USP13: variants seen among roughly 807,000 people sequenced by gnomAD.
The protein encoded by USP13 is ubiquitin specific peptidase 13.
A neutral mutation model predicts 107.8 loss-of-function variants in USP13; 68 were observed. That is an observed-to-expected ratio of 0.63 (90% CI 0.52 to 0.77). The LOEUF is 0.77. Among genes scored for constraint, USP13 ranks in the 30% least tolerant of loss-of-function variants. The pLI is 0.00. For missense variants in USP13, 945 were observed against 1,093.3 expected (o/e 0.86, Z 1.91); for synonymous variants, 377 against 389.5 (o/e 0.97, Z 0.38).
chr3:179,659,910 C>T (rs1163160926), intron 1 of USP13, among the ~76,000 whole-genome samples: 9 of 152,112 alleles, frequency 5.9e-5, no homozygotes, highest in Admixed American at 2.6e-4. Context: ...GGCTGGGTAG[C>T]GGGCGCCTGT....
intron 13 of USP13, among the ~76,000 whole-genome samples, chr3:179,750,328 A>G (rs368730598): frequency 0.13 from 14,571 of 109,644 alleles, 987 homozygotes; most frequent in Non-Finnish European, 0.18. Flanking sequence ...ATATGTGTGT[A>G]TATATATATA....
intron 19 of USP13, among the ~76,000 whole-genome samples, chr3:179,767,428 GT>G (rs1431728738): frequency 6.2e-4 from 89 of 143,726 alleles, no homozygotes; most frequent in South Asian, 1.3e-3. Context: ...GTTTTTTTTG[GT>G]TTTTTTTTTT....
intron 8 of USP13, among the ~76,000 whole-genome samples, chr3:179,725,050 C>A (rs1713461756): frequency 6.6e-6 from 1 of 152,012 alleles, no homozygotes; most frequent in Non-Finnish European, 1.5e-5. Flanking sequence ...CAAAACCCCA[C>A]TCTACTAAAA....
rs1715982961 is a variant in USP13, at chr3:179,788,893, GA to G, written c.*4753del. 6.6e-6 allele frequency: 1 copy of G among 150,754 alleles called. No individual in the cohort carries two copies. 9.3% of individuals were successfully genotyped at this position (150,754 alleles called of 1,614,324 possible). On this transcript the variant is annotated 3_prime_UTR_variant, in exon 21 of 21. Coordinates refer to ENST00000263966, the MANE Select transcript of USP13 (RefSeq NM_003940.3). The stretch of plus-strand genomic sequence containing the variant: ...GGCACAGAACATCTCCCAGAAAGCA[GA>G]TTTTTTTTTTCTGCCGAAAAACCAA...
At chr3:179,691,030 A>G (rs748563406) in intron 3 of USP13, among the ~76,000 whole-genome samples, 1 of 151,790 alleles carries the variant, frequency 6.6e-6, no homozygotes, top group African/African-American at 2.4e-5. Context: ...TTAGCCGGGT[A>G]TAGTGGTGTG....
chr3:179,765,700 TAAC>T lies in USP13; in HGVS notation c.2266_2268del (p.Asn756del). 6.2e-7 allele frequency: 1 copy of T among 1,613,748 alleles called. No individual in the cohort carries two copies. Among genetic ancestry groups the T allele is most frequent in the Non-Finnish European group, 8.5e-7 (1 of 1,179,914 alleles). ...TGTTTCTTTTTTGTTGTTAGAATAATAACCTGGAAAGAGCACTGGATTGGATCT... is the reference window on the plus strand; with the variant it reads ...TGTTTCTTTTTTGTTGTTAGAATAATCTGGAAAGAGCACTGGATTGGATCT... On this transcript the variant is annotated inframe_deletion, in exon 19 of 21. Transcript: ENST00000263966.
chr3:179,721,389 G>A lies in USP13; in HGVS notation c.901-13G>A. 1 of 1,605,594 alleles carries A rather than the reference G, an allele frequency of 6.2e-7. No individual in the cohort carries two copies. The highest frequency in any genetic ancestry group is 1.1e-5 in the South Asian group (1 of 90,202). On this transcript the variant is annotated splice_polypyrimidine_tract_variant and intron_variant, in intron 7 of 20. Coordinates refer to ENST00000263966, the MANE Select transcript of USP13 (RefSeq NM_003940.3). The surrounding 1 kb of genome is among the most constrained non-coding windows in gnomAD (Gnocchi z 4.3). Reference sequence around the variant, plus strand: ...ACATTTAAAGTTGTTTTTCTTCGATGACTTTGTCTCAGACAGAGAATGGGC... The same window carrying A: ...ACATTTAAAGTTGTTTTTCTTCGATAACTTTGTCTCAGACAGAGAATGGGC...
At chr3:179,679,212 A>T (rs531363769) in intron 1 of USP13, among the ~76,000 whole-genome samples, 51 of 152,298 alleles carry the variant, frequency 3.3e-4, no homozygotes, top group Middle Eastern at 3.4e-3. Context: ...GAATTTAAAA[A>T]ATTTTATTGG....
intron 1 of USP13, among the ~76,000 whole-genome samples, chr3:179,672,069 TAAAC>T (rs1720764718): frequency 6.6e-6 from 1 of 152,210 alleles, no homozygotes; most frequent in South Asian, 2.1e-4. Context: ...AACATCATCA[TAAAC>T]AAAGTTCTCT....
intron 7 of USP13, among the ~76,000 whole-genome samples, chr3:179,720,414 G>C (rs1196257542): frequency 6.6e-6 from 1 of 152,196 alleles, no homozygotes; most frequent in Non-Finnish European, 1.5e-5. Context: ...TAATTTCAGG[G>C]AGGGAAGCAA....
chr3:179,722,817 A>G (rs1187448320), intron 8 of USP13, among the ~76,000 whole-genome samples: 1 of 152,198 alleles, frequency 6.6e-6, no homozygotes, highest in African/African-American at 2.4e-5. Context: ...TGAAATAAAC[A>G]AAAAAACTGA....
intron 2 of USP13, among the ~76,000 whole-genome samples, chr3:179,682,286 G>A (rs1319883250): frequency 1.3e-5 from 2 of 148,214 alleles, no homozygotes; most frequent in African/African-American, 4.9e-5. Context: ...ATACAGAAAA[G>A]TACAGAGACA....
At chr3:179,741,302 G>A (rs1397287666) in intron 11 of USP13, among the ~76,000 whole-genome samples, 4 of 152,058 alleles carry the variant, frequency 2.6e-5, no homozygotes, top group African/African-American at 4.8e-5. Flanking sequence ...TGCAACCTCC[G>A]CCTTGCAGGT....
intron 13 of USP13, among the ~76,000 whole-genome samples, chr3:179,749,963 T>G (rs1714536572): frequency 6.6e-6 from 1 of 152,126 alleles, no homozygotes; most frequent in Non-Finnish European, 1.5e-5. Context: ...AAAAAGAACA[T>G]TTTTACATTA....
intron 13 of USP13, among the ~76,000 whole-genome samples, chr3:179,751,447 C>T (rs778249338): frequency 2.6e-5 from 4 of 152,146 alleles, no homozygotes; most frequent in Non-Finnish European, 4.4e-5. Flanking sequence ...TCAACCTCAG[C>T]CAAAGTTGCA....
chr3:179,737,118 A>G (rs1221913407), intron 10 of USP13, among the ~76,000 whole-genome samples: 1 of 150,680 alleles, frequency 6.6e-6, no homozygotes, highest in African/African-American at 2.5e-5. Flanking sequence ...CAGACTCTTG[A>G]TGTGTTGTCT....
intron 1 of USP13, among the ~76,000 whole-genome samples, chr3:179,668,443 G>C (rs1220625477): frequency 6.6e-6 from 1 of 152,196 alleles, no homozygotes; most frequent in Non-Finnish European, 1.5e-5. Flanking sequence ...TACTTCAATG[G>C]ATCTGCTGTT....
chr3:179,659,161 T>C (rs911493143), intron 1 of USP13, among the ~76,000 whole-genome samples: 3 of 152,212 alleles, frequency 2.0e-5, no homozygotes, highest in African/African-American at 4.8e-5. Context: ...TTGGAAACTC[T>C]GATGGACAGG....
intron 1 of USP13, among the ~76,000 whole-genome samples, chr3:179,671,980 C>T (rs945493072): frequency 2.0e-5 from 3 of 152,186 alleles, no homozygotes; most frequent in African/African-American, 4.8e-5. Context: ...TGTTACGCAG[C>T]GACTGTTTCC....
Sources: gnomAD v4.1 joint callset for allele counts (sites outside exome capture counted in the v4.1 genomes callset) on GRCh38, gnomAD v4.1.1 for gene constraint, Gnocchi (gnomAD v3.1) non-coding constraint, MANE v1.5 for transcripts, NCBI Gene and HGNC (gene_info 2026-07-23, HGNC 2026-07-21) for gene names.